The following SYNE2 variants were observed in gnomAD, a reference collection of about 807,000 sequenced individuals.
SYNE2 encodes spectrin repeat containing nuclear envelope protein 2, also known as nesprin-2.
In SYNE2, 431 loss-of-function variants were observed where a neutral mutation model predicts 856.3. The observed-to-expected ratio is 0.50, with a 90% CI of 0.47 to 0.55. The LOEUF (loss-of-function observed/expected upper bound fraction) is 0.55, where lower values mean the gene tolerates loss of function less well. Ranked by LOEUF, SYNE2 falls within the 20% of genes least tolerant of loss-of-function variation. SYNE2 has a pLI of 0.00. For missense variants in SYNE2, 8,129 were observed against 8,023.2 expected (o/e 1.01, Z -0.50); for synonymous variants, 2,923 against 2,872.3 (o/e 1.02, Z -0.56).
intron 49 of SYNE2, among the ~76,000 whole-genome samples, chr14:64,060,337 C>T (rs2097306717): frequency 6.6e-6 from 1 of 152,028 alleles, no homozygotes; most frequent in African/African-American, 2.4e-5. Context: ...TTATTCAGGG[C>T]CCTAGGGCTC....
chr14:64,112,709 C>T (rs115579411), intron 65 of SYNE2, among the ~76,000 whole-genome samples: 1 of 152,282 alleles, frequency 6.6e-6, no homozygotes, highest in African/African-American at 2.4e-5. Flanking sequence ...GGGATTCCTT[C>T]TGAGGAATAG....
intron 1 of SYNE2, among the ~76,000 whole-genome samples, chr14:63,889,560 C>T (rs2095079184): frequency 1.3e-5 from 2 of 152,132 alleles, no homozygotes; most frequent in Admixed American, 6.5e-5. Context: ...ACTTTAGCCT[C>T]AAACTCCTGA....
intron 8 of SYNE2, among the ~76,000 whole-genome samples, chr14:63,955,358 T>C (rs1480920547): frequency 6.6e-6 from 1 of 152,222 alleles, no homozygotes; most frequent in Non-Finnish European, 1.5e-5. Flanking sequence ...ATGTGGTTGG[T>C]CATTGATTCT....
Position 64,188,617 on chromosome 14 carries a change from A to C in SYNE2, c.17780A>C (p.Lys5927Thr). 1 of 1,614,220 alleles carries C rather than the reference A, an allele frequency of 6.2e-7. No homozygotes were observed. The highest frequency in any genetic ancestry group is 8.5e-7 in the Non-Finnish European group (1 of 1,180,028). The change falls in exon 98 of 116, where the codon AAA (lysine) becomes ACA (threonine). Residue 5927 changes from lysine to threonine, a missense_variant. This residue lies in a region of SYNE2 where 5,410 missense variants were observed against 5,284.8 expected (regional missense o/e 1.02). Transcript: ENST00000555002. ...NTWVVFNEKN[K>T]ELCAWLVQME... ...TGGGTTGTATTCAATGAAAAAAATA[A>C]AGAGTTGTGTGCCTGGCTGGTGCAG...
intron 66 of SYNE2, among the ~76,000 whole-genome samples, chr14:64,114,916 A>C (rs927012634): frequency 3.9e-5 from 6 of 152,172 alleles, no homozygotes; most frequent in African/African-American, 7.2e-5. Context: ...TATCATGCCC[A>C]GCCCAAAAGT....
At chr14:63,813,683 G>A (rs1888706073) in intron 1 of SYNE2, among the ~76,000 whole-genome samples, 1 of 152,132 alleles carries the variant, frequency 6.6e-6, no homozygotes, top group African/African-American at 2.4e-5. Context: ...CAACACTTTG[G>A]GAGGCCCAGG....
chr14:64,096,829 T>C (rs2097681606), intron 61 of SYNE2, among the ~76,000 whole-genome samples: 1 of 152,214 alleles, frequency 6.6e-6, no homozygotes, highest in Non-Finnish European at 1.5e-5. Context: ...AAGAAAATTA[T>C]TGCTTCTATG....
intron 48 of SYNE2, among the ~76,000 whole-genome samples, chr14:64,053,877 A>G (rs1314621822): frequency 1.3e-5 from 2 of 152,202 alleles, no homozygotes; most frequent in Non-Finnish European, 2.9e-5. Flanking sequence ...GCTGAGGTAC[A>G]AGAATCACTT....
chr14:64,071,953 G>T (rs747718308), intron 52 of SYNE2, among the ~76,000 whole-genome samples: 3 of 152,174 alleles, frequency 2.0e-5, no homozygotes, highest in Non-Finnish European at 4.4e-5. Flanking sequence ...AAGAGGTAGA[G>T]GTTGCAGTGA....
At chr14:63,933,085 A>G (rs2095786259) in intron 2 of SYNE2, among the ~76,000 whole-genome samples, 1 of 152,222 alleles carries the variant, frequency 6.6e-6, no homozygotes, top group Non-Finnish European at 1.5e-5. Flanking sequence ...TAAACCTGTT[A>G]TTAATAATCC....
At position 63,948,377 on chromosome 14, in the gene SYNE2, G is replaced by C. The variant is rs971024169; in HGVS notation, c.409-1448G>C. Among the ~76,000 whole-genome samples the C allele has an allele frequency of 6.6e-5, 10 of 151,864 alleles. No individual in the cohort carries two copies. In the South Asian group the frequency reaches 2.1e-3, roughly 32 times the overall value. ...CCCATGGGCCATATAAAAATATATT[G>C]CTTAGGCCGGGTGCGGTGGCTCACG... On this transcript the variant is annotated intron_variant, in intron 6 of 115. Coordinates refer to ENST00000555002, the MANE Select transcript of SYNE2 (RefSeq NM_182914.3).
intron 54 of SYNE2, among the ~76,000 whole-genome samples, chr14:64,077,139 A>C (rs2097468624): frequency 6.6e-6 from 1 of 152,188 alleles, no homozygotes; most frequent in East Asian, 1.9e-4. Context: ...TATTTGTAAC[A>C]AACAGCAACT....
intron 11 of SYNE2, among the ~76,000 whole-genome samples, chr14:63,972,868 A>G (rs576508266): frequency 6.6e-6 from 1 of 152,286 alleles, no homozygotes; most frequent in Non-Finnish European, 1.5e-5. Flanking sequence ...CCTCTCTTTA[A>G]CTCAATTATT....
Position 63,983,839 on chromosome 14 carries a change from A to T in SYNE2, c.2104A>T (p.Thr702Ser). 1 of 1,599,996 alleles carries T rather than the reference A, an allele frequency of 6.3e-7. No homozygotes were observed. The highest frequency in any genetic ancestry group is 1.1e-5 in the South Asian group (1 of 90,304). ...AGAGAAAGCAACTGTTGAGTTTTCA[A>T]CAGATATGTCAGTAGAACTTCCTGA... ...KEEKATVEFS[T>S]DMSVELPENY... is the part of the protein sequence containing the mutation. Residue 702 changes from threonine (T) to serine (S), a missense_variant, in exon 18 of 116, where the codon ACA becomes TCA. Physicochemically the swap from Thr to Ser is moderately conservative, Grantham distance 58. Around this residue, in one of 3 missense-constraint regions of SYNE2, gnomAD observed 2,422 missense variants for 2,357.4 expected, o/e 1.03. Coordinates refer to ENST00000555002, the MANE Select transcript of SYNE2 (RefSeq NM_182914.3).
intron 99 of SYNE2, among the ~76,000 whole-genome samples, chr14:64,194,905 C>A (rs79719456): frequency 0.043 from 6,596 of 152,280 alleles, 146 homozygotes; most frequent in African/African-American, 0.056. Flanking sequence ...CTATGCCTCC[C>A]CTTATTTTTA....
At chr14:63,806,133 T>C (rs915253191) in intron 1 of SYNE2, among the ~76,000 whole-genome samples, 23 of 152,302 alleles carry the variant, frequency 1.5e-4, no homozygotes, top group Admixed American at 7.2e-4. Flanking sequence ...AGATGGCTCT[T>C]ATTATTTTGA....
intron 1 of SYNE2, among the ~76,000 whole-genome samples, chr14:63,802,581 G>A (rs1407842672): frequency 6.6e-6 from 1 of 152,202 alleles, no homozygotes; most frequent in African/African-American, 2.4e-5. Flanking sequence ...TTTGGAAGGG[G>A]CCAGGAGTGG....
intron 1 of SYNE2, among the ~76,000 whole-genome samples, chr14:63,885,634 C>T (rs1344709900): frequency 5.9e-5 from 9 of 152,106 alleles, no homozygotes; most frequent in Non-Finnish European, 1.2e-4. Flanking sequence ...CAGGGTTTTG[C>T]TCTGTCACCT....
chr14:63,952,588 C>T (rs1342968962), intron 7 of SYNE2, among the ~76,000 whole-genome samples: 1 of 152,178 alleles, frequency 6.6e-6, no homozygotes, highest in Non-Finnish European at 1.5e-5. Context: ...AACACTTAAT[C>T]TCTTTGTGTT....
Sources: gnomAD v4.1 joint callset for allele counts (sites outside exome capture counted in the v4.1 genomes callset) on GRCh38, gnomAD v4.1.1 for gene constraint, gnomAD v4.1.1 regional missense constraint, MANE v1.5 for transcripts, NCBI Gene and HGNC (gene_info 2026-07-23, HGNC 2026-07-21) for gene names.